SMURF1: variants seen among roughly 807,000 people sequenced by gnomAD.
SMURF1 encodes the protein SMAD specific E3 ubiquitin protein ligase 1, also known as E3 ubiquitin-protein ligase SMURF1.
Under a neutral mutation model 98.0 loss-of-function variants are expected in SMURF1, and 44 were observed. The observed-to-expected ratio is 0.45, with a 90% CI of 0.35 to 0.58. SMURF1 has a LOEUF of 0.58. Ranked by LOEUF, SMURF1 falls within the 20% of genes least tolerant of loss-of-function variation. The pLI, the probability that SMURF1 is intolerant of heterozygous loss-of-function variation, is 0.00. For synonymous variants in SMURF1, 396 were observed against 374.9 expected (o/e 1.06, Z -0.65); for missense variants, 687 against 938.4 (o/e 0.73, Z 3.50).
At chr7:99,119,828 G>A (rs895160943) in intron 1 of SMURF1, among the ~76,000 whole-genome samples, 23 of 152,212 alleles carry the variant, frequency 1.5e-4, no homozygotes, top group Admixed American at 1.0e-3. Flanking sequence ...AAATACTCAT[G>A]GTTATAGTCC....
At chr7:99,115,442 A>C (rs55765416) in intron 1 of SMURF1, among the ~76,000 whole-genome samples, 69 of 152,140 alleles carry the variant, frequency 4.5e-4, no homozygotes, top group Non-Finnish European at 6.9e-4. Context: ...AAAAGACAAA[A>C]ATTAGCTGGG....
intron 1 of SMURF1, among the ~76,000 whole-genome samples, chr7:99,112,246 AAGAC>A (rs1417731725): frequency 2.6e-5 from 4 of 152,192 alleles, no homozygotes; most frequent in Non-Finnish European, 5.9e-5. Flanking sequence ...AGTAAAAACT[AAGAC>A]AGAGTTGTAA....
At chr7:99,049,924 A>G (rs1795705790) in intron 8 of SMURF1, 2 of 451,732 alleles carry the variant, frequency 4.4e-6, no homozygotes, top group Non-Finnish European at 7.7e-6. Context: ...TTAAAACCAA[A>G]CTTTCAGGCT....
chr7:99,039,731 G>A (rs1795300967), intron 13 of SMURF1, among the ~76,000 whole-genome samples: 1 of 152,076 alleles, frequency 6.6e-6, no homozygotes, highest in African/African-American at 2.4e-5. Context: ...GTGACACATG[G>A]GACACAACCA....
chr7:99,120,271 G>C (rs1214539996), intron 1 of SMURF1, among the ~76,000 whole-genome samples: 1 of 152,122 alleles, frequency 6.6e-6, no homozygotes, highest in African/African-American at 2.4e-5. Flanking sequence ...TCTTTTCTTT[G>C]TAAATTACTC....
chr7:99,034,774 A>C (rs994424234), intron 16 of SMURF1, among the ~76,000 whole-genome samples: 1 of 152,154 alleles, frequency 6.6e-6, no homozygotes, highest in Non-Finnish European at 1.5e-5. Flanking sequence ...CAGAGGTCAC[A>C]ATGGAAAAGA....
At chr7:99,061,909 A>C in intron 1 of SMURF1, 72 bp from the exon 2 acceptor site, 1 of 1,135,192 alleles carries the variant, frequency 8.8e-7, no homozygotes. Context: ...CTATATTTAC[A>C]CCCGAACAAA....
chr7:99,057,779 G>T (rs1795920595), intron 3 of SMURF1, among the ~76,000 whole-genome samples: 1 of 152,048 alleles, frequency 6.6e-6, no homozygotes, highest in Non-Finnish European at 1.5e-5. Context: ...TGTATTTTTA[G>T]TAGAGATGGG....
At position 99,047,019 on chromosome 7, in the gene SMURF1, G is replaced by A. The variant is rs548902291; in HGVS notation, c.1152+665C>T. Among the ~76,000 whole-genome samples, 7 of 152,328 alleles carry A rather than the reference G, an allele frequency of 4.6e-5. No homozygotes were observed. The South Asian group carries it at 8.3e-4, about 18-fold the overall frequency. On this transcript the variant is annotated intron_variant, in intron 10 of 17. Transcript: ENST00000361368. Reference sequence around the variant, plus strand: ...CAGTCTCCTTTGATCATTTCTGACAGTGTCTCCACAAAGGAGGGCAGGAAA... The same window carrying A: ...CAGTCTCCTTTGATCATTTCTGACAATGTCTCCACAAAGGAGGGCAGGAAA...
intron 1 of SMURF1, among the ~76,000 whole-genome samples, chr7:99,126,768 T>G (rs768498777): frequency 6.6e-6 from 1 of 152,256 alleles, no homozygotes; most frequent in African/African-American, 2.4e-5. Flanking sequence ...ATATTTAAAG[T>G]TATTATTCTT....
At chr7:99,037,307 G>C in intron 14 of SMURF1, 120 bp from the exon 15 acceptor site, 2 of 1,249,516 alleles carry the variant, frequency 1.6e-6, no homozygotes, top group Non-Finnish European at 1.1e-6. Context: ...GCTCAATCTC[G>C]GCTCACTGCA....
chr7:99,037,270 C>T, intron 14 of SMURF1, 83 bp from the exon 15 acceptor site: 1 of 1,565,054 alleles, frequency 6.4e-7, no homozygotes, highest in Non-Finnish European at 8.8e-7. Context: ...CAGGGTCTCA[C>T]TCTGTCACCC....
In SMURF1 at chr7:99,035,691, A is replaced by G. The variant is rs567209958; in HGVS notation, c.1835T>C (p.Ile612Thr). ...GTTCGACTTCCAGTCGTTCAAGTCT[A>G]TTTTATCCAGGCCGCCTATGATCAG... ...LELIIGGLDK[I>T]DLNDWKSNTR... Residue 612 changes from isoleucine to threonine, a missense_variant, in exon 16 of 18, where the codon ATA becomes ACA. Physicochemically the swap from Ile to Thr is moderately conservative, Grantham distance 89. Transcript: ENST00000361368. 6 of 1,614,122 alleles carry G rather than the reference A, an allele frequency of 3.7e-6. No individual in the cohort carries two copies. The highest frequency in any genetic ancestry group is 1.3e-5 in the African/African-American group (1 of 75,040).
In SMURF1 at chr7:99,047,921, C is replaced by T. The variant is rs202016047; in HGVS notation, c.954-39G>A. Reference sequence around the variant, plus strand: ...GATGCAGAAAGTCACTCCGAAGCCCCGGCCAGGGGAGCTGCAAGCACCCAC... The same window carrying T: ...GATGCAGAAAGTCACTCCGAAGCCCTGGCCAGGGGAGCTGCAAGCACCCAC... On this transcript the variant is annotated intron_variant, in intron 9 of 17. Coordinates refer to ENST00000361368, the MANE Select transcript of SMURF1 (RefSeq NM_181349.3). 340 of 1,600,776 alleles carry T rather than the reference C, an allele frequency of 2.1e-4. 1 individual carries two copies. The East Asian group carries it at 4.7e-3, about 22-fold the overall frequency.
At chr7:99,121,885 A>G (rs770156216) in intron 1 of SMURF1, among the ~76,000 whole-genome samples, 13 of 152,316 alleles carry the variant, frequency 8.5e-5, no homozygotes, top group African/African-American at 1.7e-4. Flanking sequence ...CGAGCTGCCA[A>G]CAGGACTCTC....
At chr7:99,139,933 A>G (rs924412611) in intron 1 of SMURF1, among the ~76,000 whole-genome samples, 4 of 152,214 alleles carry the variant, frequency 2.6e-5, no homozygotes, top group African/African-American at 9.7e-5. Context: ...CACAAAATTA[A>G]TGCTTGGCAT....
Position 99,143,898 on chromosome 7 carries a change from G to A in SMURF1, c.-118C>T. ...CTCCGGGCTGGGCGCCGGGGTCCGA[G>A]CCGGGACACAAACTCCGCGGCCCAG... On this transcript the variant is annotated 5_prime_UTR_variant, in exon 1 of 18. Transcript: ENST00000361368. 1.1e-6 allele frequency: 1 copy of A among 916,208 alleles called. No homozygotes were observed. Among genetic ancestry groups the A allele is most frequent in the Non-Finnish European group, 1.5e-6 (1 of 668,302 alleles). The allele number at this position is 916,208 out of a possible 1,614,324, so 56.8% of individuals were successfully genotyped here. A position where few individuals can be genotyped will look rare whatever the true frequency, so the allele number is the denominator to read the frequency against.
At chr7:99,061,876 A>G (rs781049919) in intron 1 of SMURF1, 39 bp from the exon 2 acceptor site, 2 of 1,482,674 alleles carry the variant, frequency 1.3e-6, no homozygotes, top group African/African-American at 1.4e-5. Context: ...AGCATTAAAG[A>G]CGAGATTTCC....
intron 1 of SMURF1, among the ~76,000 whole-genome samples, chr7:99,137,800 T>C (rs1001575357): frequency 3.3e-5 from 5 of 152,254 alleles, no homozygotes; most frequent in Admixed American, 6.5e-5. Flanking sequence ...AGGGTGTTTT[T>C]TCCCCCATTA....
Sources: allele counts gnomAD v4.1 joint callset (sites outside exome capture counted in the v4.1 genomes callset), GRCh38; gene constraint gnomAD v4.1.1; transcripts MANE v1.5; gene names NCBI Gene and HGNC (gene_info 2026-07-23, HGNC 2026-07-21).